CRYBG3: variants seen among roughly 807,000 people sequenced by gnomAD.
CRYBG3 encodes the protein very large A-kinase anchor protein.
In CRYBG3, 127 loss-of-function variants were observed where a neutral mutation model predicts 244.2. The ratio of observed to expected loss-of-function variants is 0.52; its 90% CI spans 0.45 to 0.60. CRYBG3 has a LOEUF of 0.60. Among genes scored for constraint, CRYBG3 ranks in the 20% least tolerant of loss-of-function variants. The pLI, the probability that CRYBG3 is intolerant of heterozygous loss-of-function variation, is 0.00. For missense variants in CRYBG3, 3,325 were observed against 3,442.5 expected (o/e 0.97, Z 0.85); for synonymous variants, 1,132 against 1,195.8 (o/e 0.95, Z 1.10).
rs1250248072 is a variant in CRYBG3, at chr3:97,873,962, A to T, written c.2768A>T (p.Glu923Val). ...PAASKYEDKP[E>V]PEVDALGSPP... ...GCCTCCAAATATGAAGATAAGCCAG[A>T]ACCAGAGGTAGATGCCTTAGGCTCT... The change falls in exon 4 of 22, where the codon GAA becomes GTA. Residue 923 changes from glutamate to valine, a missense_variant. By Grantham distance (121) the Glu-to-Val change is moderately radical. Transcript: ENST00000389622. 2.6e-6 allele frequency: 4 copies of T among 1,534,950 alleles called. No individual in the cohort carries two copies. Among genetic ancestry groups the T allele is most frequent in the Non-Finnish European group, 3.5e-6 (4 of 1,146,630 alleles).
At chr3:97,889,166 T>C (rs1035996981) in intron 9 of CRYBG3, among the ~76,000 whole-genome samples, 189 bp from the exon 10 acceptor site, 3 of 152,194 alleles carry the variant, frequency 2.0e-5, no homozygotes, top group Admixed American at 6.5e-5. Flanking sequence ...TGAGGAACAC[T>C]ATAACTTGGT....
intron 1 of CRYBG3, 46 bp from the exon 2 acceptor site, chr3:97,843,149 T>C: frequency 7.8e-7 from 1 of 1,280,814 alleles, no homozygotes; most frequent in South Asian, 1.4e-5. Flanking sequence ...TTTAGTTTCG[T>C]AATTTTCTTT....
intron 2 of CRYBG3, among the ~76,000 whole-genome samples, chr3:97,854,151 G>T (rs2039028818): frequency 6.6e-6 from 1 of 151,996 alleles, no homozygotes; most frequent in African/African-American, 2.4e-5. Flanking sequence ...TTTATTTCTG[G>T]GTTCTCTATT....
intron 1 of CRYBG3, among the ~76,000 whole-genome samples, chr3:97,841,291 C>T (rs1306199867): frequency 6.7e-6 from 1 of 148,792 alleles, no homozygotes; most frequent in African/African-American, 2.5e-5. Context: ...TAGGTGCGTA[C>T]ACCTATATGT....
At chr3:97,894,728 C>T (rs763815390) in intron 11 of CRYBG3, among the ~76,000 whole-genome samples, 1 of 151,674 alleles carries the variant, frequency 6.6e-6, no homozygotes, top group Non-Finnish European at 1.5e-5. Context: ...TAAATAAAAG[C>T]GTGTTTTGAG....
At chr3:97,886,426 T>G (rs1305406950) in intron 7 of CRYBG3, among the ~76,000 whole-genome samples, 4 of 152,164 alleles carry the variant, frequency 2.6e-5, no homozygotes, top group African/African-American at 4.8e-5. Flanking sequence ...TCCATAAAAT[T>G]TATGATTTTC....
rs571973286 is a variant in CRYBG3 at position 97,872,824 on chromosome 3, C to T, written c.1630C>T (p.His544Tyr). 1 of 1,535,756 alleles carries T rather than the reference C, an allele frequency of 6.5e-7. No individual in the cohort carries two copies. The highest frequency in any genetic ancestry group is 8.7e-7 in the Non-Finnish European group (1 of 1,146,786). ...ASAGESIASS[H>Y]VKAPEDKIES... ...AGCTGGTGAATCCATAGCTTCAAGTCATGTAAAAGCTCCAGAAGATAAAAT... is the reference window on the plus strand; with the variant it reads ...AGCTGGTGAATCCATAGCTTCAAGTTATGTAAAAGCTCCAGAAGATAAAAT... The change falls in exon 4 of 22, where the codon CAT becomes TAT. Residue 544 changes from histidine to tyrosine, a missense_variant. Around this residue, in one of 4 missense-constraint regions of CRYBG3, gnomAD observed 1,526 missense variants for 1,443.2 expected, o/e 1.06. Coordinates refer to ENST00000389622, the MANE Select transcript of CRYBG3 (RefSeq NM_153605.4).
chr3:97,838,160 G>A (rs541461808), intron 1 of CRYBG3, among the ~76,000 whole-genome samples: 2 of 152,234 alleles, frequency 1.3e-5, no homozygotes, highest in South Asian at 2.1e-4. Flanking sequence ...GTCCCACCCT[G>A]TACTTTCAGT....
rs2039801779 is a variant in CRYBG3 at position 97,908,214 on chromosome 3, G to A, written c.8005-3953G>A. Among the ~76,000 whole-genome samples, 4 of 152,178 alleles carry A rather than the reference G, an allele frequency of 2.6e-5. 1 individual carries two copies. Among genetic ancestry groups the A allele is most frequent in the Admixed American group, 2.0e-4 (3 of 15,276 alleles). ...GGTGTGTTGTGGTGCTGAAAAAAAT[G>A]TATATTCTGTTGATTTGGGGTGGAG... On this transcript the variant is annotated intron_variant, in intron 15 of 21. Coordinates refer to ENST00000389622, the MANE Select transcript of CRYBG3 (RefSeq NM_153605.4).
At position 97,925,228 on chromosome 3, in the gene CRYBG3, A is replaced by G. The variant is rs1413639804; in HGVS notation, c.8242-8466A>G. 2.6e-5 allele frequency among the ~76,000 whole-genome samples: 4 copies of G among 152,230 alleles called. No homozygotes were observed. In the South Asian group the frequency reaches 6.2e-4, roughly 24 times the overall value. On this transcript the variant is annotated intron_variant, in intron 17 of 21. Transcript: ENST00000389622. ...TAAATAGGCAGTTTATAGAAGAGGG[A>G]AAAATGGCTCAGGACATCCAAAGGA...
At chr3:97,927,485 A>C (rs1317410144) in intron 17 of CRYBG3, among the ~76,000 whole-genome samples, 3 of 152,092 alleles carry the variant, frequency 2.0e-5, no homozygotes, top group Non-Finnish European at 4.4e-5. Flanking sequence ...AATCTAGGAA[A>C]TACCATTCTG....
intron 17 of CRYBG3, among the ~76,000 whole-genome samples, chr3:97,919,564 AT>A: frequency 6.6e-6 from 1 of 152,164 alleles, no homozygotes; most frequent in East Asian, 1.9e-4. Flanking sequence ...TAATGGCTTG[AT>A]TGCTTAACAG....
At chr3:97,899,676 G>C (rs2039682369) in intron 14 of CRYBG3, among the ~76,000 whole-genome samples, 1 of 152,170 alleles carries the variant, frequency 6.6e-6, no homozygotes, top group African/African-American at 2.4e-5. Context: ...TCAGTGCCTG[G>C]GGAATTGAAG....
chr3:97,864,566 ACT>A lies in CRYBG3; in HGVS notation c.569_570del (p.Ser190Ter). ...CAGACACATCCAACAGAAGAACAAGACTCTAACTCATCCGAACTCTCAGATGC... is the reference window on the plus strand; with the variant it reads ...CAGACACATCCAACAGAAGAACAAGACTAACTCATCCGAACTCTCAGATGC... On this transcript the variant is annotated frameshift_variant, in exon 3 of 22. Coordinates refer to ENST00000389622, the MANE Select transcript of CRYBG3 (RefSeq NM_153605.4). LOFTEE classifies it high-confidence loss of function. 1.3e-6 allele frequency: 2 copies of A among 1,535,768 alleles called. No individual in the cohort carries two copies. Among genetic ancestry groups the A allele is most frequent in the South Asian group, 1.2e-5 (1 of 84,048 alleles).
chr3:97,871,084 G>A (rs766650124), intron 3 of CRYBG3, among the ~76,000 whole-genome samples: 1 of 152,136 alleles, frequency 6.6e-6, no homozygotes, highest in Non-Finnish European at 1.5e-5. Flanking sequence ...ATAGTATGGC[G>A]TGATGTGAGA....
chr3:97,893,919 T>C (rs888938135), intron 11 of CRYBG3, among the ~76,000 whole-genome samples: 1 of 152,190 alleles, frequency 6.6e-6, no homozygotes, highest in Non-Finnish European at 1.5e-5. Flanking sequence ...GTAATAGCCA[T>C]ACTAGTCACA....
At chr3:97,886,834 T>C (rs1576544713) in intron 8 of CRYBG3, 67 bp downstream of exon 8, 2 of 1,291,794 alleles carry the variant, frequency 1.5e-6, no homozygotes, top group African/African-American at 3.0e-5. Flanking sequence ...ATAGATGACA[T>C]ACATTTTTCT....
chr3:97,888,541 C>T, intron 9 of CRYBG3, 86 bp downstream of exon 9: 1 of 856,528 alleles, frequency 1.2e-6, no homozygotes, highest in South Asian at 1.4e-5. Context: ...TCATGCATCT[C>T]AATCTCAAGT....
Position 97,872,255 on chromosome 3 carries a change from C to A in CRYBG3, c.1061C>A (p.Ser354Tyr). 6.5e-7 allele frequency: 1 copy of A among 1,535,864 alleles called. No individual in the cohort carries two copies. Among genetic ancestry groups the A allele is most frequent in the Non-Finnish European group, 8.7e-7 (1 of 1,146,746 alleles). The change falls in exon 4 of 22, where the codon TCC becomes TAC. Residue 354 changes from serine (S) to tyrosine (Y), a missense_variant. By Grantham distance (144) the Ser-to-Tyr change is moderately radical. Coordinates refer to ENST00000389622, the MANE Select transcript of CRYBG3 (RefSeq NM_153605.4). The stretch of plus-strand genomic sequence containing the variant: ...TCATCCCCTTCTTCTGTGACTAACT[C>A]CAGCTACGATGGAGAATCTGACTCA... ...NRSSPSSVTN[S>Y]SYDGESDSQH...
Sources: gnomAD v4.1 joint callset for allele counts (sites outside exome capture counted in the v4.1 genomes callset) on GRCh38, gnomAD v4.1.1 for gene constraint, gnomAD v4.1.1 regional missense constraint, MANE v1.5 for transcripts, NCBI Gene and HGNC (gene_info 2026-07-23, HGNC 2026-07-21) for gene names.